The following PRADC1 variants were observed in gnomAD, a reference collection of about 807,000 sequenced individuals.
PRADC1 encodes the protein protease-associated domain-containing protein 1.
In PRADC1, 23 loss-of-function variants were observed where a neutral mutation model predicts 22.9. The ratio of observed to expected loss-of-function variants is 1.00; its 90% CI spans 0.72 to 1.42. The LOEUF is 1.42. Among genes scored for constraint, PRADC1 ranks in the 40% most tolerant of loss-of-function variants. The pLI is 0.00. For synonymous variants in PRADC1, 71 were observed against 100.3 expected, an observed-to-expected ratio of 0.71 and a Z score of 1.75; for missense variants, 207 against 258.3, an observed-to-expected ratio of 0.80 and a Z score of 1.36.
At position 73,228,805 on chromosome 2, in the gene PRADC1, C is replaced by G; in HGVS notation, c.436G>C (p.Gly146Arg). ...TADIPALFLL[G>R]RDGYMIRRSL... ...GCAAGGAGCCCTCACCCGTCTCGGC[C>G]GAGCAGGAAGAGGGCGGGGATGTCA... The change falls in exon 4 of 5, where the codon GGC (glycine) becomes CGC (arginine). Residue 146 changes from glycine (G) to arginine (R), a missense_variant. Gly to Arg is a moderately radical substitution (Grantham distance 125, BLOSUM62 -2). Coordinates refer to ENST00000258083, the MANE Select transcript of PRADC1 (RefSeq NM_032319.3). This position sits in a 1 kb window ranked among gnomAD's most constrained non-coding sequence, Gnocchi z 4.0. 6.2e-7 allele frequency: 1 copy of G among 1,611,692 alleles called. No homozygotes were observed. The highest frequency in any genetic ancestry group is 8.5e-7 in the Non-Finnish European group (1 of 1,178,760).
At chr2:73,230,242 C>G (rs1018664002) in intron 1 of PRADC1, 29 bp from the exon 2 acceptor site, 7 of 1,521,548 alleles carry the variant, frequency 4.6e-6, no homozygotes, top group Non-Finnish European at 4.6e-6. Flanking sequence ...AGGTAAGAAG[C>G]CTCCCAGGAA....
intron 1 of PRADC1, among the ~76,000 whole-genome samples, chr2:73,230,939 G>A (rs1024402683): frequency 4.0e-4 from 61 of 152,008 alleles, no homozygotes; most frequent in African/African-American, 1.3e-3. Context: ...CTACTCCCAC[G>A]CCACCCTACT....
chr2:73,228,515 G>T lies in PRADC1; in HGVS notation c.506C>A (p.Pro169Gln), dbSNP rs551391798. 5.0e-6 allele frequency: 8 copies of T among 1,614,222 alleles called. No individual in the cohort carries two copies. Among genetic ancestry groups the T allele is most frequent in the Non-Finnish European group, 6.8e-6 (8 of 1,180,044 alleles). Residue 169 changes from proline (P) to glutamine (Q), a missense_variant, in exon 5 of 5, where the codon CCA (proline) becomes CAA (glutamine). Coordinates refer to ENST00000258083, the MANE Select transcript of PRADC1 (RefSeq NM_032319.3). The surrounding 1 kb of genome is among the most constrained non-coding windows in gnomAD (Gnocchi z 4.0). ...HGLPWAIISIPVNVTSIPTFE... is the reference protein window; with the variant it reads ...HGLPWAIISIQVNVTSIPTFE... The stretch of plus-strand genomic sequence containing the variant: ...GGTGGGGATGCTGGTGACATTGACT[G>T]GGATGGAAATGATGGCCCATGGCAG...
In PRADC1 at chr2:73,229,760, C is replaced by T. The variant is rs1686600163; in HGVS notation, c.169-190G>A. The T allele has an allele frequency of 6.6e-6, 4 of 601,682 alleles. No individual in the cohort carries two copies. The South Asian group carries it at 7.9e-5, about 12-fold the overall frequency. 37.3% of individuals were successfully genotyped at this position (601,682 alleles called of 1,614,324 possible). On this transcript the variant is annotated intron_variant, in intron 2 of 4. Coordinates refer to ENST00000258083, the MANE Select transcript of PRADC1 (RefSeq NM_032319.3). ...AGGCCTATCTGGTTGTCCTACACCA[C>T]CCTACCCTTCTATGAGATAGGCAGG... is the stretch of plus-strand genomic sequence containing the variant.
chr2:73,230,163 T>C lies in PRADC1; in HGVS notation c.118A>G (p.Ile40Val). 1 of 1,614,178 alleles carries C rather than the reference T, an allele frequency of 6.2e-7. No homozygotes were observed. Among genetic ancestry groups the C allele is most frequent in the Non-Finnish European group, 8.5e-7 (1 of 1,179,978 alleles). Reference sequence around the variant, plus strand: ...GGTGTGGCTGTGAAGATGTATCGAATGTCCCCAGGACTCAGCACTTGAAAG... The same window carrying C: ...GGTGTGGCTGTGAAGATGTATCGAACGTCCCCAGGACTCAGCACTTGAAAG... Reference protein sequence around the residue: ...LYFQVLSPGDIRYIFTATPAK... With the variant: ...LYFQVLSPGDVRYIFTATPAK... The change falls in exon 2 of 5, where the codon ATT (isoleucine) becomes GTT (valine). Residue 40 changes from isoleucine (I) to valine (V), a missense_variant. Ile to Val is a conservative substitution (Grantham distance 29, BLOSUM62 3). Transcript: ENST00000258083.
At position 73,228,731 on chromosome 2, in the gene PRADC1, T is replaced by C. The variant is rs1314572935; in HGVS notation, c.446+64A>G. 3.2e-6 allele frequency: 5 copies of C among 1,586,638 alleles called. No homozygotes were observed. The highest frequency in any genetic ancestry group is 1.1e-5 in the South Asian group (1 of 88,028). On this transcript the variant is annotated intron_variant, in intron 4 of 4. Transcript: ENST00000258083. The surrounding 1 kb of genome is among the most constrained non-coding windows in gnomAD (Gnocchi z 4.0). ...AGGCCTGCAAGAAGGGACTGGTGAT[T>C]ACCCCTGACCCAGTCATGGCGCCCA...
chr2:73,232,995 G>A (rs1163934185), intron 1 of PRADC1, 99 bp downstream of exon 1: 29 of 1,375,684 alleles, frequency 2.1e-5, no homozygotes, highest in Non-Finnish European at 2.8e-5. Context: ...CTCTGAACTC[G>A]CAGGGTCCCC....
chr2:73,232,193 C>T (rs548353995), intron 1 of PRADC1, among the ~76,000 whole-genome samples: 1 of 152,068 alleles, frequency 6.6e-6, no homozygotes, highest in East Asian at 1.9e-4. Context: ...AAAAATTAGC[C>T]GGGCGTGGTG....
Position 73,228,109 on chromosome 2 carries a change from A to C in PRADC1, c.*345T>G, listed in dbSNP as rs1418017611. ...CACTCCAACAACTGCTGTGAAGGTC[A>C]CTGTGCAGAGACCCTGGGTAGGGGA... On this transcript the variant is annotated 3_prime_UTR_variant, in exon 5 of 5. Coordinates refer to ENST00000258083, the MANE Select transcript of PRADC1 (RefSeq NM_032319.3). This position sits in a 1 kb window ranked among gnomAD's most constrained non-coding sequence, Gnocchi z 4.0. 1 of 312,810 alleles carries C rather than the reference A, an allele frequency of 3.2e-6. No individual in the cohort carries two copies. Among genetic ancestry groups the C allele is most frequent in the East Asian group, 6.4e-5 (1 of 15,610 alleles). The allele number at this position is 312,810 out of a possible 1,614,324, so 19.4% of individuals were successfully genotyped here. A position where few individuals can be genotyped will look rare whatever the true frequency, so the allele number is the denominator to read the frequency against.
chr2:73,232,171 C>T (rs1271886663), intron 1 of PRADC1, among the ~76,000 whole-genome samples: 1 of 151,974 alleles, frequency 6.6e-6, no homozygotes, highest in Admixed American at 6.6e-5. Context: ...CCCGTCTCTA[C>T]TAAAAATACA....
chr2:73,228,201 G>C lies in PRADC1; in HGVS notation c.*253C>G. 1 of 486,088 alleles carries C rather than the reference G, an allele frequency of 2.1e-6. No individual in the cohort carries two copies. The highest frequency in any genetic ancestry group is 3.7e-6 in the Non-Finnish European group (1 of 268,470). The allele number at this position is 486,088 out of a possible 1,614,324, so 30.1% of individuals were successfully genotyped here. A position where few individuals can be genotyped will look rare whatever the true frequency, so the allele number is the denominator to read the frequency against. On this transcript the variant is annotated 3_prime_UTR_variant, in exon 5 of 5. Transcript: ENST00000258083. This position sits in a 1 kb window ranked among gnomAD's most constrained non-coding sequence, Gnocchi z 4.0. ...AGGCCACCTGCCTTCAGCTCCTTTT[G>C]TTTCGGGTTCTAGCCAGAAGCCCTG...
Position 73,228,657 on chromosome 2 carries a change from C to A in PRADC1, c.447-83G>T. ...CACTGTCCCCATCAATCTGGGAGTT[C>A]CAAAGCCCGAGATCTTTTTTTGCCC... On this transcript the variant is annotated intron_variant, in intron 4 of 4. Coordinates refer to ENST00000258083, the MANE Select transcript of PRADC1 (RefSeq NM_032319.3). The surrounding 1 kb of genome is among the most constrained non-coding windows in gnomAD (Gnocchi z 4.0). The A allele has an allele frequency of 6.2e-7, 1 of 1,602,556 alleles. No individual in the cohort carries two copies. Among genetic ancestry groups the A allele is most frequent in the Non-Finnish European group, 8.5e-7 (1 of 1,172,334 alleles).
At chr2:73,233,046 G>A (rs1032921057) in intron 1 of PRADC1, 48 bp downstream of exon 1, 3 of 1,520,766 alleles carry the variant, frequency 2.0e-6, no homozygotes, top group Non-Finnish European at 8.8e-7. Context: ...CGCGCAAGCT[G>A]GACGGCCAGC....
intron 1 of PRADC1, among the ~76,000 whole-genome samples, chr2:73,232,229 T>C (rs984055390): frequency 6.6e-6 from 1 of 150,626 alleles, no homozygotes; most frequent in African/African-American, 2.4e-5. Flanking sequence ...CCCAGCTACT[T>C]GGGAGGCTGA....
chr2:73,229,505 G>A lies in PRADC1; in HGVS notation c.234C>T (p.Ser78=), dbSNP rs182636119. ...AEPPEACGEL[S]NGFFIQDQIA... Reference sequence around the variant, plus strand: ...TCTGGTCCTGGATGAAGAAACCGTTGCTGAGTTCCCCGCAGGCCTCTGGAG... The same window carrying A: ...TCTGGTCCTGGATGAAGAAACCGTTACTGAGTTCCCCGCAGGCCTCTGGAG... The change falls in exon 3 of 5, where the codon AGC becomes AGT. Residue 78 remains serine, a synonymous_variant. Transcript: ENST00000258083. The A allele has an allele frequency of 1.7e-4, 279 of 1,614,164 alleles. 1 individual carries two copies. The Admixed American group carries it at 4.5e-3, about 26-fold the overall frequency.
At chr2:73,232,082 TC>T (rs1240343100) in intron 1 of PRADC1, among the ~76,000 whole-genome samples, 1 of 152,074 alleles carries the variant, frequency 6.6e-6, no homozygotes, top group Non-Finnish European at 1.5e-5. Context: ...ACGCCTGTAA[TC>T]CCAGCACTTT....
chr2:73,230,259 G>T, intron 1 of PRADC1, 46 bp from the exon 2 acceptor site: 2 of 1,369,430 alleles, frequency 1.5e-6, no homozygotes, highest in Non-Finnish European at 2.1e-6. Flanking sequence ...GGAACAAGCT[G>T]GTTCAGGTTC....
intron 3 of PRADC1, 126 bp from the exon 4 acceptor site, chr2:73,229,088 C>T (rs1686577912): frequency 3.7e-6 from 3 of 814,358 alleles, no homozygotes; most frequent in Non-Finnish European, 5.8e-6. Flanking sequence ...AAGTAAATAG[C>T]TAAAAGCATG....
In PRADC1 at chr2:73,231,566, G is replaced by A. The variant is rs375519193; in HGVS notation, c.68-1353C>T. ...CAAATAGCTGGGACTACAGGCGTGC[G>A]CCACCATGCCTGGCTAATTTTTTTT... On this transcript the variant is annotated intron_variant, in intron 1 of 4. Coordinates refer to ENST00000258083, the MANE Select transcript of PRADC1 (RefSeq NM_032319.3). Among the ~76,000 whole-genome samples the A allele has an allele frequency of 5.3e-5, 8 of 152,088 alleles. No homozygotes were observed. In the South Asian group the frequency reaches 6.2e-4, roughly 12 times the overall value.
Sources: allele counts gnomAD v4.1 joint callset (sites outside exome capture counted in the v4.1 genomes callset), GRCh38; gene constraint gnomAD v4.1.1; non-coding constraint Gnocchi (gnomAD v3.1); transcripts MANE v1.5; gene names NCBI Gene and HGNC (gene_info 2026-07-23, HGNC 2026-07-21).